STAB2: variants seen among roughly 807,000 people sequenced by gnomAD.
STAB2 encodes the protein stabilin-2.
In STAB2, 288 loss-of-function variants were observed where a neutral mutation model predicts 338.1. That is an observed-to-expected ratio of 0.85 (90% CI 0.77 to 0.94). STAB2 has a LOEUF of 0.94. Ranked by LOEUF, STAB2 falls within the 40% of genes least tolerant of loss-of-function variation. STAB2 has a pLI of 0.00. For synonymous variants in STAB2, 1,202 were observed against 1,193.3 expected (o/e 1.01, Z -0.15); for missense variants, 3,141 against 3,210.1 (o/e 0.98, Z 0.52).
intron 5 of STAB2, 40 bp downstream of exon 5, chr12:103,622,151 T>C (rs377268525): frequency 1.1e-5 from 17 of 1,602,038 alleles, no homozygotes; most frequent in Non-Finnish European, 1.4e-5. Flanking sequence ...TTTGTAAGGG[T>C]TGACAGTCCA....
At chr12:103,589,893 A>C (rs1956769997) in intron 1 of STAB2, among the ~76,000 whole-genome samples, 1 of 152,174 alleles carries the variant, frequency 6.6e-6, no homozygotes, top group African/African-American at 2.4e-5. Flanking sequence ...CAATAACCTC[A>C]AGAGTGGTTA....
intron 19 of STAB2, among the ~76,000 whole-genome samples, chr12:103,667,557 G>A (rs888337417): frequency 2.0e-5 from 3 of 152,094 alleles, no homozygotes; most frequent in Non-Finnish European, 4.4e-5. Flanking sequence ...GGAAAAGAAA[G>A]GGAAATTAGA....
At chr12:103,743,494 C>A (rs1882756002) in intron 56 of STAB2, among the ~76,000 whole-genome samples, 2 of 152,104 alleles carry the variant, frequency 1.3e-5, no homozygotes, top group African/African-American at 4.8e-5. Context: ...TTAGAAGACA[C>A]CTCACATAGG....
intron 35 of STAB2, among the ~76,000 whole-genome samples, chr12:103,704,272 A>C (rs1313094895): frequency 6.6e-6 from 1 of 152,194 alleles, no homozygotes; most frequent in Non-Finnish European, 1.5e-5. Context: ...CAATTCACTT[A>C]ATAGTTGGTT....
intron 6 of STAB2, 121 bp downstream of exon 6, chr12:103,631,814 A>G: frequency 1.2e-6 from 1 of 835,754 alleles, no homozygotes; most frequent in Admixed American, 2.4e-5. Context: ...AGTTTTCTGG[A>G]AAGAAACTAG....
intron 3 of STAB2, among the ~76,000 whole-genome samples, chr12:103,607,619 G>C (rs1829822822): frequency 6.7e-6 from 1 of 150,262 alleles, no homozygotes; most frequent in East Asian, 2.0e-4. Context: ...TCACACCTAT[G>C]AGTGAGAACA....
intron 60 of STAB2, among the ~76,000 whole-genome samples, chr12:103,752,571 T>C (rs1883761284): frequency 6.6e-6 from 1 of 152,148 alleles, no homozygotes. Context: ...TAGGGGGAAA[T>C]GAATTTTTAA....
chr12:103,656,677 ATT>A (rs62855260), intron 15 of STAB2, among the ~76,000 whole-genome samples: 1,898 of 118,932 alleles, frequency 0.016, 17 homozygotes, highest in African/African-American at 0.051. Context: ...AAAACTTAGG[ATT>A]TTTTTTTTTT....
At chr12:103,652,372 T>A (rs746399608) in intron 11 of STAB2, among the ~76,000 whole-genome samples, 184 bp from the exon 12 acceptor site, 2 of 152,218 alleles carry the variant, frequency 1.3e-5, no homozygotes, top group Non-Finnish European at 2.9e-5. Flanking sequence ...CCAGGTTGAT[T>A]GCACTGATGG....
At chr12:103,679,634 A>AG (rs1876717033) in intron 25 of STAB2, among the ~76,000 whole-genome samples, 1 of 152,198 alleles carries the variant, frequency 6.6e-6, no homozygotes, top group Admixed American at 6.5e-5. Flanking sequence ...AATCTGTGTC[A>AG]GGGAGAAATC....
intron 52 of STAB2, 75 bp from the exon 53 acceptor site, chr12:103,737,559 A>G: frequency 1.4e-6 from 2 of 1,471,934 alleles, no homozygotes; most frequent in Non-Finnish European, 1.8e-6. Context: ...GAGATGTGTG[A>G]AAGAGATTGA....
chr12:103,660,182 T>C (rs1874488642), intron 15 of STAB2, 149 bp from the exon 16 acceptor site: 1 of 787,662 alleles, frequency 1.3e-6, no homozygotes, highest in Non-Finnish European at 2.2e-6. Context: ...ACGTTAGCTA[T>C]TTGGAGGTGG....
chr12:103,758,306 G>A lies in STAB2; in HGVS notation c.7107+17G>A. On this transcript the variant is annotated intron_variant, in intron 64 of 68. Transcript: ENST00000388887. Reference sequence around the variant, plus strand: ...GAGAATGAGGTGAGTTGAGTCCCTGGTGCCTTTGCTTTAGACTAGCATGTT... The same window carrying A: ...GAGAATGAGGTGAGTTGAGTCCCTGATGCCTTTGCTTTAGACTAGCATGTT... 1 of 1,611,954 alleles carries A rather than the reference G, an allele frequency of 6.2e-7. No individual in the cohort carries two copies. The highest frequency in any genetic ancestry group is 8.5e-7 in the Non-Finnish European group (1 of 1,180,020).
chr12:103,739,421 G>T lies in STAB2; in HGVS notation c.5707G>T (p.Gly1903Trp). ...FTTFDASGECGSCVNTPSCPR... is the reference protein window; with the variant it reads ...FTTFDASGECWSCVNTPSCPR... ...TTTTCTTGCATACTAGGGGGAGTGT[G>T]GGAGCTGTGTCAATACTCCCAGCTG... Residue 1903 changes from glycine to tryptophan, a missense_variant, in exon 54 of 69, where the codon GGG (glycine) becomes TGG (tryptophan). Physicochemically the swap from Gly to Trp is radical, Grantham distance 184 (BLOSUM62 -2). Coordinates refer to ENST00000388887, the MANE Select transcript of STAB2 (RefSeq NM_017564.10). 6.3e-7 allele frequency: 1 copy of T among 1,591,434 alleles called. No individual in the cohort carries two copies. Among genetic ancestry groups the T allele is most frequent in the Non-Finnish European group, 8.6e-7 (1 of 1,169,366 alleles).
chr12:103,712,466 T>G, intron 41 of STAB2, 23 bp downstream of exon 41: 3 of 1,589,712 alleles, frequency 1.9e-6, no homozygotes, highest in Non-Finnish European at 2.6e-6. Flanking sequence ...AGGAATTTGC[T>G]GGGGGGGCTG....
intron 43 of STAB2, 107 bp downstream of exon 43, chr12:103,715,995 C>A: frequency 8.5e-7 from 1 of 1,180,960 alleles, no homozygotes; most frequent in Non-Finnish European, 1.2e-6. Context: ...TAAAGAGCTG[C>A]AGCTGAAAAT....
chr12:103,621,699 G>A, intron 4 of STAB2, among the ~76,000 whole-genome samples: 1 of 152,186 alleles, frequency 6.6e-6, no homozygotes, highest in Admixed American at 6.5e-5. Flanking sequence ...CTTCAGCCTG[G>A]GTGACGGAGC....
chr12:103,668,383 T>C (rs1460076421), intron 19 of STAB2, among the ~76,000 whole-genome samples: 1 of 152,204 alleles, frequency 6.6e-6, no homozygotes, highest in Non-Finnish European at 1.5e-5. Flanking sequence ...AGACATCTGC[T>C]GTGGCATGGA....
At chr12:103,762,545 C>T in intron 67 of STAB2, 143 bp downstream of exon 67, 7 of 1,256,908 alleles carry the variant, frequency 5.6e-6, no homozygotes, top group Non-Finnish European at 7.8e-6. Context: ...GCCACCCACC[C>T]CACGCTTACT....
Sources: gnomAD v4.1 joint callset for allele counts (sites outside exome capture counted in the v4.1 genomes callset) on GRCh38, gnomAD v4.1.1 for gene constraint, MANE v1.5 for transcripts, NCBI Gene and HGNC (gene_info 2026-07-23, HGNC 2026-07-21) for gene names.